The following GALNT2 variants were observed in gnomAD, a reference collection of about 807,000 sequenced individuals.
The protein encoded by GALNT2 is UDP-GalNAc:polypeptide N-acetylgalactosaminyltransferase 2.
GALNT2 carries 31 observed loss-of-function variants against 81.4 expected under a neutral mutation model. That is an observed-to-expected ratio of 0.38 (90% CI 0.29 to 0.51). GALNT2 has a LOEUF of 0.51. Ranked by LOEUF, GALNT2 falls within the 20% of genes least tolerant of loss-of-function variation. The probability of loss-of-function intolerance (pLI) is 0.87; values close to 1 mark genes in which losing one functional copy is unlikely to be tolerated. For synonymous variants in GALNT2, 303 were observed against 287.4 expected, an observed-to-expected ratio of 1.05 and a Z score of -0.55; for missense variants, 629 against 765.7, an observed-to-expected ratio of 0.82 and a Z score of 2.11.
chr1:230,190,618 A>C (rs1200682548), intron 2 of GALNT2, among the ~76,000 whole-genome samples: 1 of 151,232 alleles, frequency 6.6e-6, no homozygotes, highest in African/African-American at 2.4e-5. Flanking sequence ...CTGGGCTCTG[A>C]CTCCCTGATC....
intron 3 of GALNT2, among the ~76,000 whole-genome samples, chr1:230,215,058 T>C (rs1194216701): frequency 6.6e-6 from 1 of 152,234 alleles, no homozygotes; most frequent in African/African-American, 2.4e-5. Context: ...GCAGGTCACC[T>C]TAATCAAGTC....
rs372552383 is a variant in GALNT2, at chr1:230,279,755, C to T, written c.*297C>T. The T allele has an allele frequency of 7.9e-4, 407 of 517,920 alleles. 1 individual carries two copies. Among genetic ancestry groups the T allele is most frequent in the Middle Eastern group, 6.3e-3 (13 of 2,060 alleles). The allele number at this position is 517,920 out of a possible 1,614,324, so 32.1% of individuals were successfully genotyped here. ...CTGCCGGCTCCGCAACTGAGTGACA[C>T]CCAGCGACAACCGACTGGGGAGTGG... On this transcript the variant is annotated 3_prime_UTR_variant, in exon 16 of 16. Transcript: ENST00000366672. The surrounding 1 kb of genome is among the most constrained non-coding windows in gnomAD (Gnocchi z 4.6).
At chr1:230,256,623 A>G (rs140722585) in intron 11 of GALNT2, among the ~76,000 whole-genome samples, 9 of 152,306 alleles carry the variant, frequency 5.9e-5, no homozygotes, top group Non-Finnish European at 1.3e-4. Context: ...GAGAGTAGAT[A>G]TATTTTAGTA....
Position 230,227,474 on chromosome 1 carries a change from T to C in GALNT2, c.375-8540T>C, listed in dbSNP as rs912328234. Among the ~76,000 whole-genome samples, 5 of 149,986 alleles carry C rather than the reference T, an allele frequency of 3.3e-5. 1 individual carries two copies. The highest frequency in any genetic ancestry group is 7.4e-5 in the Non-Finnish European group (5 of 67,638). On this transcript the variant is annotated intron_variant, in intron 3 of 15. Transcript: ENST00000366672. ...TATATAATACAGCTATATATATATA[T>C]GCTATATAATATAGCTATATATGCT...
chr1:230,140,046 A>G (rs1661678693), intron 1 of GALNT2, among the ~76,000 whole-genome samples: 2 of 152,244 alleles, frequency 1.3e-5, no homozygotes, highest in African/African-American at 4.8e-5. Flanking sequence ...TGCCTGGTCC[A>G]GGCTGCCGGG....
intron 3 of GALNT2, among the ~76,000 whole-genome samples, chr1:230,218,693 T>C (rs1399352144): frequency 1.3e-5 from 2 of 152,362 alleles, no homozygotes; most frequent in African/African-American, 4.8e-5. Context: ...GTTGAGATTG[T>C]CAATGTTTAT....
chr1:230,209,356 G>A (rs183991841), intron 3 of GALNT2, among the ~76,000 whole-genome samples: 9 of 62,172 alleles, frequency 1.4e-4, no homozygotes, highest in South Asian at 4.5e-4. Context: ...AAAGGGTGGC[G>A]CCCTGATCCA....
At chr1:230,083,306 A>G (rs756487257) in intron 1 of GALNT2, among the ~76,000 whole-genome samples, 1 of 137,500 alleles carries the variant, frequency 7.3e-6, no homozygotes, top group African/African-American at 2.8e-5. Flanking sequence ...GGCAGCCAGG[A>G]TGATGGAGTG....
intron 1 of GALNT2, among the ~76,000 whole-genome samples, chr1:230,128,301 C>T (rs554225364): frequency 2.0e-4 from 28 of 140,456 alleles, no homozygotes; most frequent in African/African-American, 5.8e-4. Flanking sequence ...ACAGGACCTT[C>T]GCTTGTCGTG....
intron 1 of GALNT2, among the ~76,000 whole-genome samples, chr1:230,128,458 G>A (rs1189603492): frequency 6.6e-6 from 1 of 152,124 alleles, no homozygotes; most frequent in East Asian, 1.9e-4. Flanking sequence ...CTGCATGGCT[G>A]CTTATTAAAT....
intron 1 of GALNT2, among the ~76,000 whole-genome samples, chr1:230,169,117 A>C (rs1662707695): frequency 6.6e-6 from 1 of 152,204 alleles, no homozygotes; most frequent in South Asian, 2.1e-4. Context: ...CACAGAAGTA[A>C]AATATGCATA....
At chr1:230,198,091 C>T (rs115435074) in intron 2 of GALNT2, among the ~76,000 whole-genome samples, 1,689 of 152,334 alleles carry the variant, frequency 0.011, 16 homozygotes, top group Middle Eastern at 0.02. Context: ...CACGAAGCTG[C>T]GTTCCTCCCA....
chr1:230,178,088 C>A, intron 1 of GALNT2, 130 bp from the exon 2 acceptor site: 2 of 600,728 alleles, frequency 3.3e-6, no homozygotes, highest in Middle Eastern at 3.0e-4. Context: ...AAGATGTGCC[C>A]TCCCTCCTGC....
At chr1:230,181,287 A>G (rs1005376792) in intron 2 of GALNT2, among the ~76,000 whole-genome samples, 13 of 152,104 alleles carry the variant, frequency 8.5e-5, no homozygotes, top group Non-Finnish European at 1.9e-4. Context: ...CTAGTTTGAG[A>G]ATTTGTAACA....
At chr1:230,112,861 T>A (rs1393522800) in intron 1 of GALNT2, among the ~76,000 whole-genome samples, 1 of 152,106 alleles carries the variant, frequency 6.6e-6, no homozygotes, top group African/African-American at 2.4e-5. Flanking sequence ...GACAAAATCT[T>A]ATACCAAGCA....
At chr1:230,108,987 G>A (rs1173352918) in intron 1 of GALNT2, among the ~76,000 whole-genome samples, 1 of 152,218 alleles carries the variant, frequency 6.6e-6, no homozygotes, top group African/African-American at 2.4e-5. Flanking sequence ...TGAATAACAG[G>A]ATGAGATGTA....
chr1:230,280,777 G>A lies in GALNT2; in HGVS notation c.*1319G>A, dbSNP rs528819463. 6.6e-6 allele frequency: 1 copy of A among 152,500 alleles called. No homozygotes were observed. The highest frequency in any genetic ancestry group is 1.9e-4 in the East Asian group (1 of 5,200). 9.4% of individuals were successfully genotyped at this position (152,500 alleles called of 1,614,324 possible). ...GGCTTTGGGGAAAGAATTAGGAAGG[G>A]TCAGAACCAAACAATACCTGCTCAT... On this transcript the variant is annotated 3_prime_UTR_variant, in exon 16 of 16. Transcript: ENST00000366672.
chr1:230,270,846 C>CTT (rs1162139480), intron 14 of GALNT2, among the ~76,000 whole-genome samples: 3 of 152,164 alleles, frequency 2.0e-5, no homozygotes, highest in Admixed American at 6.5e-5. Context: ...TATTTATGAA[C>CTT]TTTATTTTAC....
chr1:230,118,699 C>T (rs750037715), intron 1 of GALNT2, among the ~76,000 whole-genome samples: 17 of 151,912 alleles, frequency 1.1e-4, no homozygotes, highest in Non-Finnish European at 1.9e-4. Flanking sequence ...GGTTCTTCCC[C>T]GCGTGGCTCC....
Sources: gnomAD v4.1 joint callset for allele counts (sites outside exome capture counted in the v4.1 genomes callset) on GRCh38, gnomAD v4.1.1 for gene constraint, Gnocchi (gnomAD v3.1) non-coding constraint, MANE v1.5 for transcripts, NCBI Gene and HGNC (gene_info 2026-07-23, HGNC 2026-07-21) for gene names.